VWF: variants seen among roughly 807,000 people sequenced by gnomAD.
VWF encodes the protein von Willebrand factor, also known as Factor VIII related antigen.
A neutral mutation model predicts 308.6 loss-of-function variants in VWF; 176 were observed. That is an observed-to-expected ratio of 0.57 (90% CI 0.50 to 0.65). The LOEUF is 0.65. Ranked by LOEUF, VWF falls within the 30% of genes least tolerant of loss-of-function variation. The pLI is 0.00. For synonymous variants in VWF, 1,385 were observed against 1,443.4 expected, an observed-to-expected ratio of 0.96 and a Z score of 0.92; for missense variants, 3,146 against 3,648.2, an observed-to-expected ratio of 0.86 and a Z score of 3.55.
At chr12:6,099,842 C>T (rs1157965252) in intron 5 of VWF, among the ~76,000 whole-genome samples, 1 of 152,190 alleles carries the variant, frequency 6.6e-6, no homozygotes, top group African/African-American at 2.4e-5. Flanking sequence ...GCAAGAACTT[C>T]ATGTCTAAAA....
chr12:6,112,804 A>G (rs758473908), intron 3 of VWF, among the ~76,000 whole-genome samples: 4 of 149,476 alleles, frequency 2.7e-5, no homozygotes, highest in Non-Finnish European at 4.4e-5. Context: ...CTGCAGGAGG[A>G]CAACCACACA....
intron 8 of VWF, 42 bp downstream of exon 8, chr12:6,073,577 G>A: frequency 5.6e-6 from 9 of 1,613,294 alleles, no homozygotes; most frequent in Non-Finnish European, 6.8e-6. Flanking sequence ...CAAGGGTGCT[G>A]GCAAGGTCTC....
In VWF at chr12:5,993,923, A is replaced by G. The variant is rs1306501290; in HGVS notation, c.6537T>C (p.Ser2179=). 6.2e-7 allele frequency: 1 copy of G among 1,614,042 alleles called. No homozygotes were observed. The highest frequency in any genetic ancestry group is 8.5e-7 in the Non-Finnish European group (1 of 1,180,012). The change falls in exon 37 of 52, where the codon TCT becomes TCC. Residue 2179 remains serine, a synonymous_variant. Transcript: ENST00000261405. ...CGTTGGTCCGACAGAGGTGGGCATA[A>G]GAGGCGATCACCTCACACACTTGCT... The part of the protein sequence containing the change: ...HQEQVCEVIA[S]YAHLCRTNGV...
In VWF at chr12:5,964,011, T is replaced by C. The variant is rs545946211; in HGVS notation, c.7887+3475A>G. 3.2e-3 allele frequency among the ~76,000 whole-genome samples: 479 copies of C among 151,450 alleles called. 2 individuals carry two copies. Among genetic ancestry groups the C allele is most frequent in the African/African-American group, 0.011 (447 of 40,922 alleles). On this transcript the variant is annotated intron_variant, in intron 47 of 51. Transcript: ENST00000261405. ...TCACGAGGTCAGGAGATTGAGACCA[T>C]TCTGGTTAACACGGTGAAACCCCGT...
chr12:6,094,499 G>C (rs1254664441), intron 6 of VWF, among the ~76,000 whole-genome samples: 1 of 152,140 alleles, frequency 6.6e-6, no homozygotes, highest in East Asian at 1.9e-4. Context: ...GACAAAAGAG[G>C]GCACTGGAGT....
At position 6,016,754 on chromosome 12, in the gene VWF, C is replaced by G; in HGVS notation, c.5170G>C (p.Gly1724Arg). 1 of 1,614,226 alleles carries G rather than the reference C, an allele frequency of 6.2e-7. No individual in the cohort carries two copies. The highest frequency in any genetic ancestry group is 8.5e-7 in the Non-Finnish European group (1 of 1,180,044). The change falls in exon 29 of 52, where the codon GGG becomes CGG. Residue 1724 changes from glycine to arginine, a missense_variant and splice_region_variant. Transcript: ENST00000261405. ...TGCTTCAGGTGCCTCGCTCACCCAC[C>G]TATATTGGCTTTTGAAATGAAAGCC... ...AKAFISKANI[G>R]PRLTQVSVLQ...
chr12:5,997,761 T>C (rs1325750430), intron 34 of VWF, among the ~76,000 whole-genome samples: 2 of 152,170 alleles, frequency 1.3e-5, no homozygotes, highest in Admixed American at 1.3e-4. Context: ...TCCTTCCATC[T>C]CCAGAATACC....
In VWF at chr12:6,016,174, C is replaced by T. The variant is rs71582868; in HGVS notation, c.5370G>A (p.Pro1790=). ...YLTSEMHGAR[P]GASKAVVILV... is the part of the protein sequence containing the mutation. Reference sequence around the variant, plus strand: ...GGATGACCACCGCCTTTGAGGCTCCCGGCCTGGCACCATGCATTTCTGAAG... The same window carrying T: ...GGATGACCACCGCCTTTGAGGCTCCTGGCCTGGCACCATGCATTTCTGAAG... The change falls in exon 31 of 52, where the codon CCG becomes CCA. Residue 1790 remains proline, a synonymous_variant. Transcript: ENST00000261405. 252 of 1,614,182 alleles carry T rather than the reference C, an allele frequency of 1.6e-4. 2 individuals are homozygous for T. In the East Asian group the frequency reaches 3.1e-3, roughly 20 times the overall value.
At position 6,056,151 on chromosome 12, in the gene VWF, G is replaced by A. The variant is rs1470353429; in HGVS notation, c.1945+706C>T. On this transcript the variant is annotated intron_variant, in intron 15 of 51. Transcript: ENST00000261405. Reference sequence around the variant, plus strand: ...ATCTACTCATCCTTTCACTTAGTAGGATAGGTATCTAGTAGGGCGGCCATT... The same window carrying A: ...ATCTACTCATCCTTTCACTTAGTAGAATAGGTATCTAGTAGGGCGGCCATT... Among the ~76,000 whole-genome samples, 3 of 147,242 alleles carry A rather than the reference G, an allele frequency of 2.0e-5. No individual in the cohort carries two copies. In the East Asian group the frequency reaches 6.0e-4, roughly 29 times the overall value.
intron 9 of VWF, among the ~76,000 whole-genome samples, chr12:6,071,779 G>C (rs1944785607): frequency 1.3e-5 from 2 of 152,200 alleles, no homozygotes; most frequent in Non-Finnish European, 2.9e-5. Flanking sequence ...ATAGCAAAGG[G>C]AGGAGGCCTG....
chr12:5,968,795 A>C, intron 45 of VWF, among the ~76,000 whole-genome samples: 1 of 152,236 alleles, frequency 6.6e-6, no homozygotes, highest in Non-Finnish European at 1.5e-5. Flanking sequence ...CAGTCACTCC[A>C]GAGTGAGAAT....
At chr12:5,994,695 C>G (rs1305868774) in intron 35 of VWF, 88 bp from the exon 36 acceptor site, 2 of 1,178,898 alleles carry the variant, frequency 1.7e-6, no homozygotes, top group African/African-American at 1.5e-5. Context: ...CCTGCACATT[C>G]ATCACACTCA....
At chr12:5,983,882 T>A (rs216870) in intron 40 of VWF, among the ~76,000 whole-genome samples, 91,172 of 151,378 alleles carry the variant, frequency 0.6, 28,162 homozygotes, top group Admixed American at 0.68. Context: ...GATAGATACA[T>A]AGGATAGATA....
intron 41 of VWF, among the ~76,000 whole-genome samples, chr12:5,982,633 C>T (rs1565818369): frequency 1.3e-5 from 2 of 152,122 alleles, no homozygotes; most frequent in Non-Finnish European, 2.9e-5. Flanking sequence ...AGAACGCCAA[C>T]GGAGTTAGAG....
Position 6,019,727 on chromosome 12 carries a change from T to G in VWF, c.3691A>C (p.Asn1231His), listed in dbSNP as rs1398513804. 1 of 1,613,174 alleles carries G rather than the reference T, an allele frequency of 6.2e-7. No homozygotes were observed. The highest frequency in any genetic ancestry group is 8.5e-7 in the Non-Finnish European group (1 of 1,179,600). Residue 1231 changes from asparagine to histidine, a missense_variant, in exon 28 of 52, where the codon AAC becomes CAC. This residue lies in a region of VWF where 853 missense variants were observed against 1,177.8 expected (regional missense o/e 0.72). Transcript: ENST00000261405. This position sits in a 1 kb window ranked among gnomAD's most constrained non-coding sequence, Gnocchi z 5.8. Reference protein sequence around the residue: ...HCQICHCDVVNLTCEACQEPG... With the variant: ...HCQICHCDVVHLTCEACQEPG... ...TCCTGGCAGGCTTCACAGGTGAGGT[T>G]GACAACATCACAGTGGCTGCAGAAA...
At chr12:6,034,474 G>A (rs2136430344) in intron 20 of VWF, among the ~76,000 whole-genome samples, 1 of 152,254 alleles carries the variant, frequency 6.6e-6, no homozygotes, top group South Asian at 2.1e-4. Context: ...CGTTTTATAA[G>A]TCCCCAGGTG....
rs1249212526 is a variant in VWF at position 5,958,930 on chromosome 12, A to C, written c.7888-5336T>G. Among the ~76,000 whole-genome samples, 4 of 152,042 alleles carry C rather than the reference A, an allele frequency of 2.6e-5. No homozygotes were observed. The East Asian group carries it at 7.7e-4, about 29-fold the overall frequency. ...TGAGGAATGTTACCAAAAATAAAGG[A>C]GGTGGCTGGGTGCGGTGGCTCACAC... On this transcript the variant is annotated intron_variant, in intron 47 of 51. Coordinates refer to ENST00000261405, the MANE Select transcript of VWF (RefSeq NM_000552.5).
chr12:5,965,819 C>T (rs373330051), intron 47 of VWF, among the ~76,000 whole-genome samples: 23 of 152,200 alleles, frequency 1.5e-4, no homozygotes, highest in South Asian at 6.2e-4. Flanking sequence ...CAGCAGAGGC[C>T]GGATTCAGCA....
chr12:6,103,364 A>ATG (rs758500268), intron 5 of VWF, among the ~76,000 whole-genome samples: 11 of 132,756 alleles, frequency 8.3e-5, no homozygotes, highest in Non-Finnish European at 1.7e-4. Flanking sequence ...ATATACATAT[A>ATG]TATGTGTGTG....
Sources: allele counts gnomAD v4.1 joint callset (sites outside exome capture counted in the v4.1 genomes callset), GRCh38; gene constraint gnomAD v4.1.1; regional missense constraint gnomAD v4.1.1; non-coding constraint Gnocchi (gnomAD v3.1); transcripts MANE v1.5; gene names NCBI Gene and HGNC (gene_info 2026-07-23, HGNC 2026-07-21).